ATP8B1: variants seen among roughly 807,000 people sequenced by gnomAD.
ATP8B1 encodes phospholipid-transporting ATPase IC.
ATP8B1 carries 80 observed loss-of-function variants against 149.9 expected under a neutral mutation model. The observed-to-expected ratio is 0.53, with a 90% confidence interval of 0.45 to 0.64. The LOEUF is 0.64. Among genes scored for constraint, ATP8B1 ranks in the 30% least tolerant of loss-of-function variants. ATP8B1 has a pLI of 0.00. For missense variants in ATP8B1, 1,247 were observed against 1,552.6 expected (o/e 0.80, Z 3.31); for synonymous variants, 536 against 562.8 (o/e 0.95, Z 0.67).
intron 16 of ATP8B1, among the ~76,000 whole-genome samples, chr18:57,672,252 CACTT>C (rs1911252552): frequency 6.6e-6 from 1 of 152,190 alleles, no homozygotes; most frequent in Non-Finnish European, 1.5e-5. Context: ...GAACTCACAA[CACTT>C]ACTGCTTTTA....
chr18:57,665,577 G>A (rs1910798902), intron 20 of ATP8B1, among the ~76,000 whole-genome samples: 2 of 151,558 alleles, frequency 1.3e-5, no homozygotes, highest in Non-Finnish European at 2.9e-5. Flanking sequence ...TTTTGAGACG[G>A]AGTCTTGCTC....
At chr18:57,773,262 G>T (rs2080279901) in intron 1 of ATP8B1, among the ~76,000 whole-genome samples, 1 of 150,564 alleles carries the variant, frequency 6.6e-6, no homozygotes, top group African/African-American at 2.4e-5. Flanking sequence ...TCCAGGAAAA[G>T]ATGGTGTTAA....
At chr18:57,736,227 T>A (rs1034637987) in intron 1 of ATP8B1, among the ~76,000 whole-genome samples, 4 of 152,180 alleles carry the variant, frequency 2.6e-5, no homozygotes, top group African/African-American at 9.6e-5. Flanking sequence ...TGGATACTAG[T>A]CCTTAGTTAG....
Position 57,756,540 on chromosome 18 carries a change from A to T in ATP8B1, c.-25-24708T>A, listed in dbSNP as rs570707347. On this transcript the variant is annotated intron_variant, in intron 1 of 27. Transcript: ENST00000648908. ...GGTCTCGAACTCCTGACCTCAGGTG[A>T]TCTGCCCACCTTGGCCTCCCAAAGT... is the stretch of plus-strand genomic sequence containing the variant. Among the ~76,000 whole-genome samples the T allele has an allele frequency of 1.4e-4, 21 of 152,148 alleles. No homozygotes were observed. The South Asian group carries it at 2.5e-3, about 18-fold the overall frequency.
intron 1 of ATP8B1, among the ~76,000 whole-genome samples, chr18:57,777,287 T>C (rs1190939646): frequency 6.6e-6 from 1 of 152,174 alleles, no homozygotes; most frequent in African/African-American, 2.4e-5. Context: ...CAGGCTAATT[T>C]CTTATCTATT....
intron 14 of ATP8B1, 34 bp downstream of exon 14, chr18:57,685,038 C>T: frequency 1.2e-6 from 2 of 1,612,316 alleles, no homozygotes; most frequent in Non-Finnish European, 1.7e-6. Flanking sequence ...ACATCCCCAG[C>T]ATCCCAAACG....
At chr18:57,700,946 G>T in intron 6 of ATP8B1, 93 bp downstream of exon 6, 2 of 1,289,170 alleles carry the variant, frequency 1.6e-6, no homozygotes, top group Non-Finnish European at 2.3e-6. Flanking sequence ...TGTACTAATA[G>T]CCTTCTACAT....
chr18:57,785,364 T>C (rs2080396752), intron 1 of ATP8B1, among the ~76,000 whole-genome samples: 1 of 152,262 alleles, frequency 6.6e-6, no homozygotes, highest in South Asian at 2.1e-4. Flanking sequence ...CAAAATGCCA[T>C]AAGAGTCCTT....
chr18:57,756,287 ATGTGTGTGTG>A (rs111240005), intron 1 of ATP8B1, among the ~76,000 whole-genome samples: 1 of 78,928 alleles, frequency 1.3e-5, no homozygotes. Context: ...CAACATATAT[ATGTGTGTGTG>A]TATGTATATA....
intron 23 of ATP8B1, among the ~76,000 whole-genome samples, chr18:57,654,756 G>A (rs569042322): frequency 2.1e-5 from 3 of 143,742 alleles, no homozygotes; most frequent in South Asian, 2.2e-4. Context: ...GCGCAGTCTC[G>A]GCTCACCACA....
At chr18:57,785,767 A>G (rs559774745) in intron 1 of ATP8B1, among the ~76,000 whole-genome samples, 1 of 152,152 alleles carries the variant, frequency 6.6e-6, no homozygotes, top group African/African-American at 2.4e-5. Context: ...CAGCCTCCCA[A>G]AGTGTTGGGA....
intron 1 of ATP8B1, among the ~76,000 whole-genome samples, chr18:57,750,267 G>C (rs972621650): frequency 7.9e-5 from 12 of 152,050 alleles, no homozygotes; most frequent in Admixed American, 4.6e-4. Context: ...AATAAACTAG[G>C]GGTTTAAATA....
At chr18:57,678,710 T>C (rs1911754776) in intron 15 of ATP8B1, among the ~76,000 whole-genome samples, 1 of 61,402 alleles carries the variant, frequency 1.6e-5, no homozygotes, top group African/African-American at 4.6e-5. Flanking sequence ...TGACCTTTTG[T>C]CCTGGCTAAC....
chr18:57,720,584 T>C (rs1421850947), intron 2 of ATP8B1, among the ~76,000 whole-genome samples: 1 of 122,284 alleles, frequency 8.2e-6, no homozygotes, highest in Non-Finnish European at 1.7e-5. Flanking sequence ...CTCCAAGAAA[T>C]ATGGGACTAT....
At chr18:57,727,227 T>C (rs1323188815) in intron 2 of ATP8B1, among the ~76,000 whole-genome samples, 1 of 152,184 alleles carries the variant, frequency 6.6e-6, no homozygotes, top group Admixed American at 6.5e-5. Context: ...GTTTTTAGGC[T>C]GTGGAGGTGG....
chr18:57,742,934 A>G (rs2079931475), intron 1 of ATP8B1, among the ~76,000 whole-genome samples: 1 of 152,098 alleles, frequency 6.6e-6, no homozygotes, highest in African/African-American at 2.4e-5. Context: ...CATTTCAGAG[A>G]TGAGCAGCTT....
intron 1 of ATP8B1, among the ~76,000 whole-genome samples, chr18:57,795,212 GAGACACAC>G (rs1568075326): frequency 6.6e-6 from 1 of 151,560 alleles, no homozygotes; most frequent in African/African-American, 2.4e-5. Flanking sequence ...GCGACATATC[GAGACACAC>G]AGACACACAC....
At chr18:57,672,570 T>C (rs895288776) in intron 16 of ATP8B1, among the ~76,000 whole-genome samples, 1 of 151,946 alleles carries the variant, frequency 6.6e-6, no homozygotes, top group African/African-American at 2.4e-5. Flanking sequence ...GACAAACCAA[T>C]AATATATACC....
At chr18:57,757,640 C>T (rs28450431) in intron 1 of ATP8B1, among the ~76,000 whole-genome samples, 11,982 of 152,258 alleles carry the variant, frequency 0.079, 524 homozygotes, top group Middle Eastern at 0.14. Context: ...TCTTTTCCCC[C>T]ATCTCCCATT....
Sources: gnomAD v4.1 joint callset for allele counts (sites outside exome capture counted in the v4.1 genomes callset) on GRCh38, gnomAD v4.1.1 for gene constraint, MANE v1.5 for transcripts, NCBI Gene and HGNC (gene_info 2026-07-23, HGNC 2026-07-21) for gene names.